Variants in ZFHX4 observed in about 807,000 individuals in gnomAD.
ZFHX4 encodes zinc finger homeobox 4.
Under a neutral mutation model 267.6 loss-of-function variants are expected in ZFHX4, and 56 were observed. The observed-to-expected ratio is 0.21, with a 90% CI of 0.17 to 0.26. The LOEUF (loss-of-function observed/expected upper bound fraction) is 0.26, where lower values mean the gene tolerates loss of function less well. ZFHX4 is among the 10% of genes least tolerant of loss of function. ZFHX4 has a pLI of 1.00. For missense variants in ZFHX4, 4,332 were observed against 4,420.0 expected (o/e 0.98, Z 0.56); for synonymous variants, 1,778 against 1,665.6 (o/e 1.07, Z -1.64).
In ZFHX4 at chr8:76,864,717, G is replaced by A. The variant is rs1259246595; in HGVS notation, c.*152G>A. ...TTGTTTTTCCCATATTGATATGCTG[G>A]CAATATAGGATGGTATGTAATGGAC... On this transcript the variant is annotated 3_prime_UTR_variant, in exon 11 of 11. Coordinates refer to ENST00000651372, the MANE Select transcript of ZFHX4 (RefSeq NM_024721.5). The A allele has an allele frequency of 3.6e-6, 2 of 562,690 alleles. No individual in the cohort carries two copies. Among genetic ancestry groups the A allele is most frequent in the Non-Finnish European group, 6.1e-6 (2 of 326,300 alleles). 34.9% of individuals were successfully genotyped at this position (562,690 alleles called of 1,614,324 possible). A position where few individuals can be genotyped will look rare whatever the true frequency, so the allele number is the denominator to read the frequency against.
Position 76,863,477 on chromosome 8 carries a change from G to C in ZFHX4, c.9763G>C (p.Ala3255Pro). Residue 3255 changes from alanine (A) to proline (P), a missense_variant, in exon 11 of 11, where the codon GCT becomes CCT. Ala to Pro is a conservative substitution (Grantham distance 27). Around this residue, in one of 7 missense-constraint regions of ZFHX4, gnomAD observed 1,648 missense variants for 1,625.0 expected, o/e 1.01. Transcript: ENST00000651372. ...ACAGAATGCAATTGCTGGTGACCCA[G>C]CTTCCTTTATAGGCGGACAGTTCTT... ...ALQNAIAGDP[A>P]SFIGGQFLPY... The C allele has an allele frequency of 3.1e-6, 5 of 1,613,656 alleles. No individual in the cohort carries two copies. Among genetic ancestry groups the C allele is most frequent in the Non-Finnish European group, 4.2e-6 (5 of 1,179,786 alleles).
intron 4 of ZFHX4, among the ~76,000 whole-genome samples, chr8:76,807,027 C>A (rs555210189): frequency 2.6e-4 from 39 of 152,112 alleles, no homozygotes; most frequent in Non-Finnish European, 5.1e-4. Context: ...CTTGCTATCA[C>A]TTAATTAGCA....
At chr8:76,712,852 T>A (rs943456575) in intron 3 of ZFHX4, among the ~76,000 whole-genome samples, 5 of 151,582 alleles carry the variant, frequency 3.3e-5, no homozygotes, top group African/African-American at 7.3e-5. Flanking sequence ...GGATTTGTTT[T>A]AAAAAAAAAC....
chr8:76,740,867 T>C (rs1403681133), intron 3 of ZFHX4, among the ~76,000 whole-genome samples: 1 of 152,148 alleles, frequency 6.6e-6, no homozygotes, highest in Non-Finnish European at 1.5e-5. Flanking sequence ...GTAGCACATT[T>C]GTGTGTGAAG....
At chr8:76,729,207 C>A (rs555568440) in intron 3 of ZFHX4, among the ~76,000 whole-genome samples, 1 of 152,204 alleles carries the variant, frequency 6.6e-6, no homozygotes, top group Admixed American at 6.6e-5. Flanking sequence ...CCCTATAGAT[C>A]TACTACCATT....
chr8:76,780,877 T>C (rs756525331), intron 4 of ZFHX4, among the ~76,000 whole-genome samples: 28 of 152,158 alleles, frequency 1.8e-4, no homozygotes, highest in Non-Finnish European at 3.4e-4. Context: ...ATTAACTTTC[T>C]TAAGTACCAG....
chr8:76,814,011 G>A (rs1455836993), intron 4 of ZFHX4, among the ~76,000 whole-genome samples: 1 of 151,980 alleles, frequency 6.6e-6, no homozygotes, highest in Non-Finnish European at 1.5e-5. Context: ...ATGTAGACAT[G>A]TCCATGTAGT....
chr8:76,815,761 A>G (rs1010697639), intron 4 of ZFHX4, among the ~76,000 whole-genome samples: 1 of 152,182 alleles, frequency 6.6e-6, no homozygotes, highest in African/African-American at 2.4e-5. Context: ...TTGGTCTCCC[A>G]AAGTGCTGAG....
chr8:76,682,129 G>T (rs1167777808), intron 1 of ZFHX4, among the ~76,000 whole-genome samples: 1 of 152,160 alleles, frequency 6.6e-6, no homozygotes, highest in African/African-American at 2.4e-5. Context: ...CCGCGCCCCT[G>T]CACCCCGATC....
intron 4 of ZFHX4, among the ~76,000 whole-genome samples, chr8:76,832,591 A>G (rs7843400): frequency 0.014 from 2,098 of 152,282 alleles, 57 homozygotes; most frequent in African/African-American, 0.048. Flanking sequence ...GAGAGCACCC[A>G]TGATAAGAGA....
chr8:76,695,655 C>T (rs1422324445), intron 1 of ZFHX4, among the ~76,000 whole-genome samples: 1 of 152,160 alleles, frequency 6.6e-6, no homozygotes, highest in Non-Finnish European at 1.5e-5. Flanking sequence ...AGATTTATTT[C>T]ATTTTAGGTC....
chr8:76,692,910 C>T (rs914105021), intron 1 of ZFHX4, among the ~76,000 whole-genome samples: 1 of 152,068 alleles, frequency 6.6e-6, no homozygotes, highest in African/African-American at 2.4e-5. Flanking sequence ...GGCCTATGTT[C>T]TGGTCATTTA....
At chr8:76,744,842 G>C (rs1204561245) in intron 3 of ZFHX4, among the ~76,000 whole-genome samples, 1 of 152,076 alleles carries the variant, frequency 6.6e-6, no homozygotes, top group African/African-American at 2.4e-5. Context: ...GCTTAATCTA[G>C]AACTGAATAA....
intron 6 of ZFHX4, among the ~76,000 whole-genome samples, chr8:76,846,042 A>G (rs1812355974): frequency 6.6e-6 from 1 of 152,060 alleles, no homozygotes; most frequent in South Asian, 2.1e-4. Context: ...TAAAACTTAA[A>G]ACCTTCCTCA....
At chr8:76,723,283 A>G (rs901406632) in intron 3 of ZFHX4, among the ~76,000 whole-genome samples, 2 of 151,988 alleles carry the variant, frequency 1.3e-5, no homozygotes, top group Non-Finnish European at 2.9e-5. Context: ...ATGGGCTCTG[A>G]GTTACCATTA....
Position 76,706,134 on chromosome 8 carries a change from T to C in ZFHX4, c.2046T>C (p.Pro682=). The change falls in exon 2 of 11, where the codon CCT becomes CCC. Residue 682 remains proline, a synonymous_variant. Transcript: ENST00000651372. ...GSCVYCKTGQ[P]HPRLARGESY... is the part of the protein sequence containing the mutation. ...GTGTTTATTGTAAGACTGGACAGCCTCACCCCAGGCTTGCCCGGGGTGAGA... is the reference window on the plus strand; with the variant it reads ...GTGTTTATTGTAAGACTGGACAGCCCCACCCCAGGCTTGCCCGGGGTGAGA... 1.2e-6 allele frequency: 2 copies of C among 1,613,838 alleles called. No individual in the cohort carries two copies. The highest frequency in any genetic ancestry group is 1.7e-6 in the Non-Finnish European group (2 of 1,179,898).
chr8:76,812,271 C>T (rs916816415), intron 4 of ZFHX4, among the ~76,000 whole-genome samples: 1 of 152,132 alleles, frequency 6.6e-6, no homozygotes, highest in Non-Finnish European at 1.5e-5. Flanking sequence ...TTGCTTATCT[C>T]ATTTATCAAG....
intron 3 of ZFHX4, among the ~76,000 whole-genome samples, chr8:76,723,508 G>A (rs1200412507): frequency 2.0e-5 from 3 of 150,912 alleles, no homozygotes; most frequent in Admixed American, 6.6e-5. Flanking sequence ...AGGAAGCAGA[G>A]TAAAAATTAT....
At chr8:76,685,950 C>G (rs1036767630) in intron 1 of ZFHX4, among the ~76,000 whole-genome samples, 19 of 152,050 alleles carry the variant, frequency 1.2e-4, no homozygotes, top group Non-Finnish European at 2.9e-5. Context: ...TTCTTTTTAT[C>G]CTCTTAGAGA....
Sources: gnomAD v4.1 joint callset for allele counts (sites outside exome capture counted in the v4.1 genomes callset) on GRCh38, gnomAD v4.1.1 for gene constraint, gnomAD v4.1.1 regional missense constraint, MANE v1.5 for transcripts, NCBI Gene and HGNC (gene_info 2026-07-23, HGNC 2026-07-21) for gene names.